Variants in ASB15 observed in about 807,000 individuals in gnomAD.
ASB15 encodes the protein ankyrin repeat and SOCS box protein 15.
In ASB15, 54 loss-of-function variants were observed where a neutral mutation model predicts 58.0. That is an observed-to-expected ratio of 0.93 (90% confidence interval 0.75 to 1.17). The LOEUF (loss-of-function observed/expected upper bound fraction) is 1.17, where lower values mean the gene tolerates loss of function less well. Among genes scored for constraint, ASB15 ranks in the 50% most tolerant of loss-of-function variants. ASB15 has a pLI of 0.00. For missense variants in ASB15, 680 were observed against 707.4 expected (o/e 0.96, Z 0.44); for synonymous variants, 249 against 262.4 (o/e 0.95, Z 0.50).
intron 2 of ASB15, among the ~76,000 whole-genome samples, chr7:123,606,842 A>G (rs1168420469): frequency 6.6e-6 from 1 of 152,092 alleles, no homozygotes; most frequent in Non-Finnish European, 1.5e-5. Flanking sequence ...TTCTTCATTT[A>G]TTCATCTGTC....
intron 7 of ASB15, among the ~76,000 whole-genome samples, chr7:123,620,805 G>A (rs746389735): frequency 1.5e-4 from 23 of 150,700 alleles, no homozygotes; most frequent in Non-Finnish European, 2.5e-4. Flanking sequence ...CTCGTGATCC[G>A]CCCTCCTCGG....
At chr7:123,573,528 G>A (rs1034980993) in intron 1 of ASB15, among the ~76,000 whole-genome samples, 1 of 152,014 alleles carries the variant, frequency 6.6e-6, no homozygotes, top group African/African-American at 2.4e-5. Context: ...GCTGATCTGT[G>A]AGGGCTTTCT....
chr7:123,620,161 G>C (rs1470351513), intron 7 of ASB15: 2 of 151,904 alleles, frequency 1.3e-5, no homozygotes, highest in Admixed American at 1.3e-4. Flanking sequence ...AAAGATGACC[G>C]GGACAGTGCA....
At position 123,629,505 on chromosome 7, in the gene ASB15, T is replaced by C. The variant is rs192721201; in HGVS notation, c.1440+71T>C. On this transcript the variant is annotated intron_variant, in intron 10 of 11. Coordinates refer to ENST00000451215, the MANE Select transcript of ASB15 (RefSeq NM_001290258.2). ...TAATACATGTTCATTCAATTAGGGA[T>C]GTTACAAGAAAAGAAAAATAAACTC... 4.3e-3 allele frequency: 5,692 copies of C among 1,323,868 alleles called. 12 individuals are homozygous for C. Among genetic ancestry groups the C allele is most frequent in the Non-Finnish European group, 4.9e-3 (4,743 of 975,228 alleles). 82.0% of individuals were successfully genotyped at this position (1,323,868 alleles called of 1,614,324 possible).
chr7:123,603,153 T>C (rs956705068), intron 1 of ASB15, among the ~76,000 whole-genome samples: 1 of 152,136 alleles, frequency 6.6e-6, no homozygotes, highest in African/African-American at 2.4e-5. Flanking sequence ...TAAAGAGAAA[T>C]TGGTATTATT....
chr7:123,596,704 T>C (rs920239657), intron 1 of ASB15, among the ~76,000 whole-genome samples: 2 of 152,228 alleles, frequency 1.3e-5, no homozygotes, highest in Non-Finnish European at 2.9e-5. Context: ...TAAATTTATA[T>C]AATTTCTTCT....
At position 123,628,963 on chromosome 7, in the gene ASB15, T is replaced by G; in HGVS notation, c.969T>G (p.Cys323Trp). The G allele has an allele frequency of 1.2e-6, 2 of 1,612,582 alleles. No individual in the cohort carries two copies. The highest frequency in any genetic ancestry group is 1.1e-5 in the South Asian group (1 of 90,966). ...HSAADGQNAQ[C>W]LELLIENGFD... is the part of the protein sequence containing the mutation. ...CAGCAGATGGACAAAATGCACAGTG[T>G]CTAGAACTGCTCATTGAAAATGGTT... The change falls in exon 10 of 12, where the codon TGT (cysteine) becomes TGG (tryptophan). Residue 323 changes from cysteine to tryptophan, a missense_variant. Physicochemically the swap from Cys to Trp is radical, Grantham distance 215. Coordinates refer to ENST00000451215, the MANE Select transcript of ASB15 (RefSeq NM_001290258.2).
chr7:123,591,680 G>C (rs147136296), intron 1 of ASB15, among the ~76,000 whole-genome samples: 8 of 152,256 alleles, frequency 5.3e-5, no homozygotes, highest in African/African-American at 1.7e-4. Flanking sequence ...GCTTTTTGAC[G>C]TGTTGCTGGA....
At chr7:123,614,821 A>T (rs1800693978) in intron 4 of ASB15, among the ~76,000 whole-genome samples, 1 of 152,076 alleles carries the variant, frequency 6.6e-6, no homozygotes, top group Admixed American at 6.5e-5. Flanking sequence ...AACAGGAAAA[A>T]CCCTATGTGG....
At chr7:123,632,915 T>G (rs1221808188) in intron 11 of ASB15, among the ~76,000 whole-genome samples, 1 of 152,214 alleles carries the variant, frequency 6.6e-6, no homozygotes, top group Non-Finnish European at 1.5e-5. Flanking sequence ...TATTAAACTT[T>G]TCATCAACAA....
At chr7:123,584,115 C>G (rs1237343647) in intron 1 of ASB15, among the ~76,000 whole-genome samples, 1 of 151,780 alleles carries the variant, frequency 6.6e-6, no homozygotes, top group Non-Finnish European at 1.5e-5. Context: ...TTCTTCAGCT[C>G]AGACTTTTCT....
At chr7:123,587,242 T>G (rs944315308) in intron 1 of ASB15, among the ~76,000 whole-genome samples, 2 of 151,690 alleles carry the variant, frequency 1.3e-5, no homozygotes, top group Admixed American at 6.6e-5. Flanking sequence ...TTTTATGTTT[T>G]TCAGTGTACT....
At chr7:123,597,561 G>C (rs1799734294), upstream of ASB15, among the ~76,000 whole-genome samples, 1 of 152,146 alleles carries the variant, frequency 6.6e-6, no homozygotes, top group Non-Finnish European at 1.5e-5. Context: ...GCCAGACGTG[G>C]TGGCTCACGC....
intron 11 of ASB15, among the ~76,000 whole-genome samples, chr7:123,630,474 C>T (rs1802063773): frequency 1.3e-5 from 2 of 152,084 alleles, no homozygotes; most frequent in African/African-American, 4.8e-5. Flanking sequence ...AGCATAGTGC[C>T]TAGTAAGTAG....
chr7:123,635,346 CTTTA>C (rs1802362947), intron 11 of ASB15, among the ~76,000 whole-genome samples: 2 of 152,178 alleles, frequency 1.3e-5, no homozygotes, highest in African/African-American at 2.4e-5. Context: ...TGTGTACTTT[CTTTA>C]TTTTATTTTG....
chr7:123,589,300 C>CA (rs1799462591), intron 1 of ASB15, among the ~76,000 whole-genome samples: 3 of 117,514 alleles, frequency 2.6e-5, no homozygotes, highest in African/African-American at 1.1e-4. Context: ...ACTTTCATCT[C>CA]TTTATTATTA....
chr7:123,617,665 G>A lies in ASB15; in HGVS notation c.379G>A (p.Val127Ile), dbSNP rs757454184. The A allele has an allele frequency of 3.2e-5, 52 of 1,611,942 alleles. No individual in the cohort carries two copies. The East Asian group carries it at 7.4e-4, about 23-fold the overall frequency. ...LAVKAGLVENVRTLLEKGVWP... is the reference protein window; with the variant it reads ...LAVKAGLVENIRTLLEKGVWP... Reference sequence around the variant, plus strand: ...AGTCAAAGCTGGTCTGGTGGAAAATGTAAGAACTTTATTAGAAAAGGGAGT... The same window carrying A: ...AGTCAAAGCTGGTCTGGTGGAAAATATAAGAACTTTATTAGAAAAGGGAGT... Residue 127 changes from valine (V) to isoleucine (I), a missense_variant, in exon 7 of 12, where the codon GTA becomes ATA. Transcript: ENST00000451215.
chr7:123,629,983 A>T lies in ASB15; in HGVS notation c.1458A>T (p.Thr486=). 6.3e-7 allele frequency: 1 copy of T among 1,590,596 alleles called. No individual in the cohort carries two copies. Among genetic ancestry groups the T allele is most frequent in the Non-Finnish European group, 8.6e-7 (1 of 1,163,224 alleles). Residue 486 remains threonine, a synonymous_variant, in exon 11 of 12, where the codon ACA becomes ACT. Transcript: ENST00000451215. ...TCTCTCAGTTCTGTGAGTTTATTAC[A>T]GTTCCTTGGATGAAGCACTTGGTAG... is the stretch of plus-strand genomic sequence containing the variant. ...IKDNPFCEFI[T]VPWMKHLVGR...
chr7:123,618,641 G>C (rs1800987664), intron 7 of ASB15, among the ~76,000 whole-genome samples: 1 of 151,978 alleles, frequency 6.6e-6, no homozygotes, highest in African/African-American at 2.4e-5. Flanking sequence ...CAGGAGGAGA[G>C]GGAGGAAAGG....
Sources: gnomAD v4.1 joint callset for allele counts (sites outside exome capture counted in the v4.1 genomes callset) on GRCh38, gnomAD v4.1.1 for gene constraint, MANE v1.5 for transcripts, NCBI Gene and HGNC (gene_info 2026-07-23, HGNC 2026-07-21) for gene names.